PRKG1: variants seen among roughly 807,000 people sequenced by gnomAD.
PRKG1 encodes the protein protein kinase cGMP-dependent 1, also known as cGMP-dependent protein kinase 1.
A neutral mutation model predicts 88.1 loss-of-function variants in PRKG1; 35 were observed. The ratio of observed to expected loss-of-function variants is 0.40; its 90% CI spans 0.30 to 0.53. The LOEUF is 0.53. PRKG1 is among the 20% of genes least tolerant of loss of function. PRKG1 has a pLI of 0.59. For missense variants in PRKG1, 540 were observed against 839.8 expected (o/e 0.64, Z 4.41); for synonymous variants, 303 against 292.5 (o/e 1.04, Z -0.37).
At position 51,028,471 on chromosome 10, in the gene PRKG1, AGT is replaced by A. The variant is rs570005340; in HGVS notation, c.266+36829_266+36830del. On this transcript the variant is annotated intron_variant, in intron 1 of 17. Transcript: ENST00000401604. ...TTGGCTGTATTCTCAATGAAAGCCTAGTGCTCTAGAAAAGAATGAGCTTGGCA... is the reference window on the plus strand; with the variant it reads ...TTGGCTGTATTCTCAATGAAAGCCTAGCTCTAGAAAAGAATGAGCTTGGCA... Among the ~76,000 whole-genome samples, 343 of 152,268 alleles carry A rather than the reference AGT, an allele frequency of 2.3e-3. 1 individual carries two copies. The highest frequency in any genetic ancestry group is 7.5e-3 in the African/African-American group (310 of 41,564).
intron 1 of PRKG1, among the ~76,000 whole-genome samples, chr10:51,054,669 T>G (rs2132773918): frequency 6.6e-6 from 1 of 152,308 alleles, no homozygotes; most frequent in Non-Finnish European, 1.5e-5. Flanking sequence ...GAACAGATTT[T>G]AGTGAACCTT....
At chr10:51,252,633 G>T (rs143288819) in intron 2 of PRKG1, among the ~76,000 whole-genome samples, 2 of 151,706 alleles carry the variant, frequency 1.3e-5, no homozygotes, top group African/African-American at 4.8e-5. Flanking sequence ...TTATTGACTT[G>T]AACACTTCTT....
At chr10:52,027,411 T>C (rs1471544456) in intron 5 of PRKG1, among the ~76,000 whole-genome samples, 1 of 152,186 alleles carries the variant, frequency 6.6e-6, no homozygotes, top group Non-Finnish European at 1.5e-5. Flanking sequence ...AGTAAATGAA[T>C]GTGTAGATAG....
At chr10:52,277,392 G>T (rs528241084) in intron 12 of PRKG1, among the ~76,000 whole-genome samples, 1 of 152,250 alleles carries the variant, frequency 6.6e-6, no homozygotes, top group East Asian at 1.9e-4. Flanking sequence ...TACTATGTTA[G>T]TTAATTTTAC....
At position 51,106,667 on chromosome 10, in the gene PRKG1, C is replaced by T. The variant is rs971895348; in HGVS notation, c.311+31766C>T. Among the ~76,000 whole-genome samples, 13 of 152,222 alleles carry T rather than the reference C, an allele frequency of 8.5e-5. No homozygotes were observed. The South Asian group carries it at 2.5e-3, about 29-fold the overall frequency. On this transcript the variant is annotated intron_variant, in intron 1 of 17. Transcript: ENST00000373980. ...TGAGCATGAATCCCCAGATTGAAGGCCTTTTTACCTCTGGAAGACTTGTAA... is the reference window on the plus strand; with the variant it reads ...TGAGCATGAATCCCCAGATTGAAGGTCTTTTTACCTCTGGAAGACTTGTAA...
intron 3 of PRKG1, among the ~76,000 whole-genome samples, chr10:51,735,004 T>C (rs1837227590): frequency 1.3e-5 from 2 of 152,104 alleles, no homozygotes; most frequent in South Asian, 4.1e-4. Flanking sequence ...AGATATTCAA[T>C]AAAAATCCCG....
chr10:51,807,371 G>C (rs992904929), intron 4 of PRKG1, among the ~76,000 whole-genome samples: 1 of 152,124 alleles, frequency 6.6e-6, no homozygotes, highest in African/African-American at 2.4e-5. Context: ...TGTAGGGGTG[G>C]AAAGGGTACC....
intron 1 of PRKG1, among the ~76,000 whole-genome samples, chr10:51,109,456 A>G (rs1026812700): frequency 6.6e-6 from 1 of 152,118 alleles, no homozygotes; most frequent in African/African-American, 2.4e-5. Flanking sequence ...ATGATTTTTG[A>G]CAAAAGCGCA....
chr10:51,833,764 A>C (rs1011865478), intron 4 of PRKG1, among the ~76,000 whole-genome samples: 1 of 152,132 alleles, frequency 6.6e-6, no homozygotes, highest in Non-Finnish European at 1.5e-5. Context: ...AATTACAATC[A>C]CCTTGCTTTG....
At chr10:51,556,699 G>A (rs1445335187) in intron 3 of PRKG1, among the ~76,000 whole-genome samples, 4 of 151,932 alleles carry the variant, frequency 2.6e-5, no homozygotes, top group Admixed American at 1.3e-4. Context: ...AGATGGCAAC[G>A]ATAGACACTG....
rs558852097 is a variant in PRKG1 at position 51,841,930 on chromosome 10, G to A, written c.698+37240G>A. On this transcript the variant is annotated intron_variant, in intron 4 of 17. Transcript: ENST00000373980. ...ACTCCTGACCTCAAGTGATCTGCCC[G>A]CCTCAGCCTCCCAAAGTGTTGGAAT... Among the ~76,000 whole-genome samples the A allele has an allele frequency of 4.3e-4, 66 of 152,232 alleles. 1 individual carries two copies. In the Middle Eastern group the frequency reaches 0.01, roughly 24 times the overall value.
intron 4 of PRKG1, among the ~76,000 whole-genome samples, chr10:51,826,701 TGAGAGCCAG>T (rs1839889848): frequency 1.3e-5 from 2 of 152,166 alleles, no homozygotes; most frequent in Non-Finnish European, 2.9e-5. Flanking sequence ...GCTGGAACCA[TGAGAGCCAG>T]AGTTCTCATT....
chr10:52,276,225 A>G (rs187028157), intron 12 of PRKG1, among the ~76,000 whole-genome samples: 45 of 152,190 alleles, frequency 3.0e-4, no homozygotes, highest in Non-Finnish European at 4.4e-4. Flanking sequence ...TACTGCGTTG[A>G]AGAGGAGTGG....
chr10:51,829,652 T>G (rs1839957069), intron 4 of PRKG1, among the ~76,000 whole-genome samples: 1 of 152,214 alleles, frequency 6.6e-6, no homozygotes. Context: ...TATGACATCT[T>G]ATTTTCTAAA....
rs574627726 is a variant in PRKG1 at position 52,264,592 on chromosome 10, G to T, written c.1174-6758G>T. ...TAAAGAGAGCCAAAACTAAAAAATG[G>T]CTTTATGCTTCACCAAATAATATAG... is the stretch of plus-strand genomic sequence containing the variant. On this transcript the variant is annotated intron_variant, in intron 10 of 17. Transcript: ENST00000373980. Among the ~76,000 whole-genome samples the T allele has an allele frequency of 1.5e-4, 23 of 152,090 alleles. 1 individual carries two copies. The highest frequency in any genetic ancestry group is 5.5e-4 in the African/African-American group (23 of 41,532).
intron 1 of PRKG1, among the ~76,000 whole-genome samples, chr10:51,139,987 G>A (rs1845784557): frequency 6.6e-6 from 1 of 152,162 alleles, no homozygotes; most frequent in African/African-American, 2.4e-5. Flanking sequence ...TCTCGAAATT[G>A]ACCTGTAGCT....
At chr10:51,788,159 A>G (rs2132577079) in intron 3 of PRKG1, among the ~76,000 whole-genome samples, 1 of 152,312 alleles carries the variant, frequency 6.6e-6, no homozygotes, top group Non-Finnish European at 1.5e-5. Context: ...CCTATGGAAG[A>G]TACCAGTGAT....
At chr10:50,996,075 A>G (rs1044820017) in intron 1 of PRKG1, among the ~76,000 whole-genome samples, 1 of 152,220 alleles carries the variant, frequency 6.6e-6, no homozygotes, top group African/African-American at 2.4e-5. Flanking sequence ...TCAATTATTT[A>G]TTAACTGATC....
intron 5 of PRKG1, among the ~76,000 whole-genome samples, chr10:51,982,012 T>C (rs1844022813): frequency 6.6e-6 from 1 of 152,192 alleles, no homozygotes; most frequent in Admixed American, 6.5e-5. Flanking sequence ...TATTCATTCC[T>C]TTTTATTTTT....
Sources: allele counts gnomAD v4.1 joint callset (sites outside exome capture counted in the v4.1 genomes callset), GRCh38; gene constraint gnomAD v4.1.1; transcripts MANE v1.5; gene names NCBI Gene and HGNC (gene_info 2026-07-23, HGNC 2026-07-21).